LCT: variants seen among roughly 807,000 people sequenced by gnomAD.
The protein encoded by LCT is lactase.
In LCT, 90 loss-of-function variants were observed where a neutral mutation model predicts 173.0. The observed-to-expected ratio is 0.52, with a 90% CI of 0.44 to 0.62. The LOEUF (loss-of-function observed/expected upper bound fraction) is 0.62, where lower values mean the gene tolerates loss of function less well. Among genes scored for constraint, LCT ranks in the 20% least tolerant of loss-of-function variants. The pLI, the probability that LCT is intolerant of heterozygous loss-of-function variation, is 0.00. For missense variants in LCT, 1,864 were observed against 2,431.4 expected (o/e 0.77, Z 4.91); for synonymous variants, 853 against 957.6 (o/e 0.89, Z 2.02).
chr2:135,797,488 C>T (rs1369947622), intron 13 of LCT, among the ~76,000 whole-genome samples: 2 of 152,206 alleles, frequency 1.3e-5, no homozygotes, highest in South Asian at 2.1e-4. Context: ...AATCTCAGCT[C>T]TATCTCTTAA....
At chr2:135,792,568 A>C (rs2077540793) in intron 14 of LCT, among the ~76,000 whole-genome samples, 1 of 152,156 alleles carries the variant, frequency 6.6e-6, no homozygotes, top group South Asian at 2.1e-4. Context: ...AGCAGGAGTG[A>C]GACTGGCCTT....
intron 14 of LCT, among the ~76,000 whole-genome samples, chr2:135,793,179 C>T (rs1409779764): frequency 1.3e-5 from 2 of 152,222 alleles, no homozygotes; most frequent in Non-Finnish European, 2.9e-5. Context: ...AACCAGTGCA[C>T]GAAAGAAAAC....
intron 1 of LCT, among the ~76,000 whole-genome samples, chr2:135,835,409 G>A (rs79270171): frequency 0.025 from 3,727 of 146,424 alleles, 139 homozygotes; most frequent in African/African-American, 0.086. Context: ...GAGCCACCAT[G>A]CCTGGCTCAA....
chr2:135,793,026 A>G (rs554773205), intron 14 of LCT, among the ~76,000 whole-genome samples: 14 of 152,182 alleles, frequency 9.2e-5, no homozygotes, highest in Non-Finnish European at 1.8e-4. Flanking sequence ...TCACGCCATT[A>G]TAGCAACTCA....
At chr2:135,799,851 T>G (rs554909340) in intron 12 of LCT, among the ~76,000 whole-genome samples, 1 of 152,336 alleles carries the variant, frequency 6.6e-6, no homozygotes, top group East Asian at 1.9e-4. Context: ...CTAATGAGTT[T>G]CACAGAATCT....
In LCT at chr2:135,830,378, C is replaced by A. The variant is rs1020161245; in HGVS notation, c.721-702G>T. Among the ~76,000 whole-genome samples, 3 of 152,214 alleles carry A rather than the reference C, an allele frequency of 2.0e-5. No homozygotes were observed. The East Asian group carries it at 5.8e-4, about 29-fold the overall frequency. ...GAGTCTACACAGGACCATGCCAACA[C>A]CCCCAGTGCTGCGCTCCCCTCCACG... On this transcript the variant is annotated intron_variant, in intron 2 of 16. Coordinates refer to ENST00000264162, the MANE Select transcript of LCT (RefSeq NM_002299.4).
chr2:135,818,649 C>G (rs1247713937), intron 5 of LCT, among the ~76,000 whole-genome samples: 1 of 152,126 alleles, frequency 6.6e-6, no homozygotes, highest in African/African-American at 2.4e-5. Flanking sequence ...ACCAGACTGA[C>G]CAACATGGGG....
rs185708610 is a variant in LCT at position 135,804,760 on chromosome 2, A to C, written c.4464+7T>G. On this transcript the variant is annotated splice_region_variant and intron_variant, in intron 10 of 16. Coordinates refer to ENST00000264162, the MANE Select transcript of LCT (RefSeq NM_002299.4). ...CTTTCCCAAGGCCTTGCCAGGACCC[A>C]CCATACCTGGGGCTGGATGCTGGCG... 1.4e-5 allele frequency: 22 copies of C among 1,612,456 alleles called. No homozygotes were observed. In the African/African-American group the frequency reaches 2.8e-4, roughly 21 times the overall value.
intron 5 of LCT, among the ~76,000 whole-genome samples, chr2:135,818,502 C>T (rs2105543986): frequency 6.6e-6 from 1 of 152,254 alleles, no homozygotes; most frequent in South Asian, 2.1e-4. Context: ...GAGATGGGTA[C>T]TACAATGATT....
At chr2:135,793,969 T>C (rs887662791) in intron 14 of LCT, among the ~76,000 whole-genome samples, 1 of 44,606 alleles carries the variant, frequency 2.2e-5, no homozygotes, top group Non-Finnish European at 5.4e-5. Flanking sequence ...TCTGCTAAAA[T>C]ACAAAAAAAA....
intron 2 of LCT, among the ~76,000 whole-genome samples, chr2:135,832,405 G>A (rs2077947811): frequency 1.3e-5 from 2 of 151,398 alleles, no homozygotes; most frequent in South Asian, 4.2e-4. Context: ...GGGTGACAGA[G>A]CAAGGCCACA....
intron 3 of LCT, among the ~76,000 whole-genome samples, chr2:135,826,065 T>C (rs1575347520): frequency 2.0e-5 from 3 of 152,216 alleles, no homozygotes; most frequent in Admixed American, 2.0e-4. Context: ...GCTCAGGGGT[T>C]GTCAGCTGTC....
At chr2:135,793,814 A>G (rs1559548575) in intron 14 of LCT, among the ~76,000 whole-genome samples, 1 of 152,188 alleles carries the variant, frequency 6.6e-6, no homozygotes, top group Non-Finnish European at 1.5e-5. Flanking sequence ...CACACCTGTA[A>G]TCCCAGCACT....
chr2:135,803,119 T>TA (rs1248464978), intron 11 of LCT, among the ~76,000 whole-genome samples: 1 of 151,678 alleles, frequency 6.6e-6, no homozygotes, highest in Non-Finnish European at 1.5e-5. Context: ...CTCAAAAAAA[T>TA]AAAAAATGAA....
Position 135,809,797 on chromosome 2 carries a change from C to G in LCT, c.2550G>C (p.Lys850Asn), listed in dbSNP as rs1172637597. 1 of 1,614,124 alleles carries G rather than the reference C, an allele frequency of 6.2e-7. No homozygotes were observed. Among genetic ancestry groups the G allele is most frequent in the Non-Finnish European group, 8.5e-7 (1 of 1,180,012 alleles). The change falls in exon 8 of 17, where the codon AAG (lysine) becomes AAC (asparagine). Residue 850 changes from lysine (K) to asparagine (N), a missense_variant. Coordinates refer to ENST00000264162, the MANE Select transcript of LCT (RefSeq NM_002299.4). This position sits in a 1 kb window ranked among gnomAD's most constrained non-coding sequence, Gnocchi z 5.5. ...SIIEKNGFLT[K>N]GAKRLLPPNT... The stretch of plus-strand genomic sequence containing the variant: ...TAGGTGGTAGCAGTCTTTTTGCCCC[C>G]TTGGTGAGGAAACCGTTCTTTTCTA...
At chr2:135,813,966 TC>T (rs1314468687) in intron 6 of LCT, among the ~76,000 whole-genome samples, 2 of 152,220 alleles carry the variant, frequency 1.3e-5, no homozygotes, top group Non-Finnish European at 2.9e-5. Flanking sequence ...AAATCTTGAC[TC>T]TGTTACTAAC....
intron 13 of LCT, among the ~76,000 whole-genome samples, chr2:135,797,227 T>A (rs6430588): frequency 2.6e-5 from 4 of 151,776 alleles, no homozygotes; most frequent in Admixed American, 1.3e-4. Flanking sequence ...GGATTACAGG[T>A]GTGAGCCACC....
chr2:135,834,255 G>T (rs1007320888), intron 1 of LCT, among the ~76,000 whole-genome samples: 5 of 151,702 alleles, frequency 3.3e-5, no homozygotes, highest in Non-Finnish European at 1.5e-5. Context: ...GCGCAGTCTC[G>T]GCTCACTGCA....
intron 3 of LCT, among the ~76,000 whole-genome samples, chr2:135,825,827 C>T (rs78683687): frequency 0.013 from 2,010 of 152,220 alleles, 52 homozygotes; most frequent in African/African-American, 0.046. Context: ...CCTCTTCCCT[C>T]GCAGCCCACA....
Sources: allele counts gnomAD v4.1 joint callset (sites outside exome capture counted in the v4.1 genomes callset), GRCh38; gene constraint gnomAD v4.1.1; non-coding constraint Gnocchi (gnomAD v3.1); transcripts MANE v1.5; gene names NCBI Gene and HGNC (gene_info 2026-07-23, HGNC 2026-07-21).